CCSAP: variants seen among roughly 807,000 people sequenced by gnomAD.
CCSAP encodes the protein centriole, cilia and spindle associated protein.
A neutral mutation model predicts 25.9 loss-of-function variants in CCSAP; 17 were observed. The ratio of observed to expected loss-of-function variants is 0.66; its 90% confidence interval spans 0.45 to 0.99. The LOEUF is 0.99. Ranked by LOEUF, CCSAP falls within the 50% of genes least tolerant of loss-of-function variation. The pLI, the probability that CCSAP is intolerant of heterozygous loss-of-function variation, is 0.00. For synonymous variants in CCSAP, 169 were observed against 157.1 expected (o/e 1.08, Z -0.57); for missense variants, 339 against 367.8 (o/e 0.92, Z 0.64).
chr1:229,330,235 G>C (rs1558249984), intron 2 of CCSAP, among the ~76,000 whole-genome samples: 1 of 152,192 alleles, frequency 6.6e-6, no homozygotes, highest in African/African-American at 2.4e-5. Context: ...GCTGTCCTCT[G>C]ACATAGGCCC....
rs1657824954 is a variant in CCSAP at position 229,321,592 on chromosome 1, A to G, written c.*3643T>C. 6.6e-6 allele frequency: 1 copy of G among 152,230 alleles called. No homozygotes were observed. The highest frequency in any genetic ancestry group is 2.4e-5 in the African/African-American group (1 of 41,466). The allele number at this position is 152,230 out of a possible 1,614,324, so 9.4% of individuals were successfully genotyped here. On this transcript the variant is annotated 3_prime_UTR_variant, in exon 4 of 4. Coordinates refer to ENST00000284617, the MANE Select transcript of CCSAP (RefSeq NM_145257.5). Reference sequence around the variant, plus strand: ...ATATGGGTTAGGTATTAAGTTTGATACCAAAGCAACTATAGCATCAAGCTA... The same window carrying G: ...ATATGGGTTAGGTATTAAGTTTGATGCCAAAGCAACTATAGCATCAAGCTA...
intron 2 of CCSAP, among the ~76,000 whole-genome samples, chr1:229,336,444 C>T (rs1658197934): frequency 6.6e-6 from 1 of 152,092 alleles, no homozygotes; most frequent in Admixed American, 6.5e-5. Context: ...GCACCTTCCT[C>T]CACCTCTGTT....
intron 3 of CCSAP, 61 bp downstream of exon 3, chr1:229,326,677 G>C: frequency 1.3e-6 from 2 of 1,590,420 alleles, no homozygotes; most frequent in Non-Finnish European, 1.7e-6. Context: ...CCGATGACAG[G>C]CGCATGGCCC....
chr1:229,334,098 T>C (rs1213167154), intron 2 of CCSAP, among the ~76,000 whole-genome samples: 1 of 152,168 alleles, frequency 6.6e-6, no homozygotes, highest in Non-Finnish European at 1.5e-5. Flanking sequence ...TGAGAAACAG[T>C]CTCACTCTGT....
chr1:229,331,652 T>C (rs238083), intron 2 of CCSAP, among the ~76,000 whole-genome samples: 58,779 of 151,852 alleles, frequency 0.39, 11,791 homozygotes, highest in Admixed American at 0.45. Context: ...GGCAGGACTC[T>C]AATCTTCCAC....
Position 229,321,466 on chromosome 1 carries a change from T to G in CCSAP, c.*3769A>C, listed in dbSNP as rs1027015535. 2 of 152,164 alleles carry G rather than the reference T, an allele frequency of 1.3e-5. No individual in the cohort carries two copies. Among genetic ancestry groups the G allele is most frequent in the African/African-American group, 4.8e-5 (2 of 41,448 alleles). The allele number at this position is 152,164 out of a possible 1,614,324, so 9.4% of individuals were successfully genotyped here. ...CATATCCACCCTATAGTACAAAAAT[T>G]CATTTCAAATGCAAACGTTGTGCAA... is the stretch of plus-strand genomic sequence containing the variant. On this transcript the variant is annotated 3_prime_UTR_variant, in exon 4 of 4. Transcript: ENST00000284617.
In CCSAP at chr1:229,326,718, C is replaced by T; in HGVS notation, c.636+20G>A. The T allele has an allele frequency of 1.2e-6, 2 of 1,612,132 alleles. No individual in the cohort carries two copies. Among genetic ancestry groups the T allele is most frequent in the Middle Eastern group, 3.3e-4 (2 of 6,056 alleles). On this transcript the variant is annotated intron_variant, in intron 3 of 3. Coordinates refer to ENST00000284617, the MANE Select transcript of CCSAP (RefSeq NM_145257.5). ...GCCACTCTCAAAGGGAACACAGAAC[C>T]ACAAGGGCCCAGAGCGCACCTCGTG...
At chr1:229,325,944 AAAT>A in intron 3 of CCSAP, among the ~76,000 whole-genome samples, 1 of 152,196 alleles carries the variant, frequency 6.6e-6, no homozygotes, top group East Asian at 1.9e-4. Flanking sequence ...ATATCACTCC[AAAT>A]AACACCATTT....
Position 229,323,460 on chromosome 1 carries a change from G to A in CCSAP, c.*1775C>T, listed in dbSNP as rs1419606226. The A allele has an allele frequency of 3.3e-5, 5 of 152,130 alleles. No homozygotes were observed. Among genetic ancestry groups the A allele is most frequent in the East Asian group, 1.9e-4 (1 of 5,200 alleles). The allele number at this position is 152,130 out of a possible 1,614,324, so 9.4% of individuals were successfully genotyped here. On this transcript the variant is annotated 3_prime_UTR_variant, in exon 4 of 4. Transcript: ENST00000284617. The stretch of plus-strand genomic sequence containing the variant: ...GACTAACACCGAACATGCAAGAAGC[G>A]ACTTTAAAGGAACAGTTTTCACAAT...
chr1:229,337,399 T>G (rs1368050614), intron 2 of CCSAP, among the ~76,000 whole-genome samples: 1 of 151,926 alleles, frequency 6.6e-6, no homozygotes, highest in Non-Finnish European at 1.5e-5. Flanking sequence ...CAATCTAGAC[T>G]AATCTACCTT....
chr1:229,333,264 C>T (rs943419285), intron 2 of CCSAP, among the ~76,000 whole-genome samples: 2 of 150,958 alleles, frequency 1.3e-5, no homozygotes, highest in African/African-American at 4.8e-5. Flanking sequence ...AACCCCGTCT[C>T]TACTAAAAAT....
chr1:229,335,084 C>T (rs779349591), intron 2 of CCSAP, among the ~76,000 whole-genome samples: 3 of 151,950 alleles, frequency 2.0e-5, no homozygotes, highest in South Asian at 4.1e-4. Context: ...GAGGACAAGG[C>T]GGGAGGATTG....
intron 3 of CCSAP, 117 bp downstream of exon 3, chr1:229,326,621 G>C (rs1250208957): frequency 2.4e-6 from 3 of 1,229,894 alleles, no homozygotes; most frequent in Non-Finnish European, 3.4e-6. Context: ...TATCCCCTAA[G>C]ATCTCCCATG....
Position 229,342,502 on chromosome 1 carries a change from G to A in CCSAP, c.-37C>T, listed in dbSNP as rs1393421172. Reference sequence around the variant, plus strand: ...CCGCCTCGAGCGCCAGCCGCTCCTCGCTGCCCGCAGCCTACGGGACCCGGT... The same window carrying A: ...CCGCCTCGAGCGCCAGCCGCTCCTCACTGCCCGCAGCCTACGGGACCCGGT... On this transcript the variant is annotated 5_prime_UTR_variant, in exon 2 of 4. Transcript: ENST00000284617. This position sits in a 1 kb window ranked among gnomAD's most constrained non-coding sequence, Gnocchi z 7.5. 1 of 1,294,982 alleles carries A rather than the reference G, an allele frequency of 7.7e-7. No homozygotes were observed. Among genetic ancestry groups the A allele is most frequent in the Non-Finnish European group, 9.9e-7 (1 of 1,011,940 alleles). The allele number at this position is 1,294,982 out of a possible 1,614,324, so 80.2% of individuals were successfully genotyped here.
chr1:229,332,152 C>G (rs1658083590), intron 2 of CCSAP, among the ~76,000 whole-genome samples: 1 of 151,970 alleles, frequency 6.6e-6, no homozygotes, highest in Admixed American at 6.5e-5. Context: ...CTCTAGTATC[C>G]TTTATAATAA....
In CCSAP at chr1:229,331,790, A is replaced by T. The variant is rs756721163; in HGVS notation, c.368-4784T>A. 7.7e-4 allele frequency among the ~76,000 whole-genome samples: 52 copies of T among 67,732 alleles called. 1 individual carries two copies. Among genetic ancestry groups the T allele is most frequent in the East Asian group, 2.0e-3 (6 of 2,966 alleles). 44.4% of individuals were successfully genotyped at this position (67,732 alleles called of 152,430 possible). ...TCTGTGTCCTTTCTAATATCCTTTT[A>T]TTATTATTATTATTATTATTATTAT... On this transcript the variant is annotated intron_variant, in intron 2 of 3. Transcript: ENST00000284617.
chr1:229,332,047 T>C (rs531119675), intron 2 of CCSAP, among the ~76,000 whole-genome samples: 2 of 152,232 alleles, frequency 1.3e-5, no homozygotes, highest in African/African-American at 4.8e-5. Context: ...TTCATCATGT[T>C]GACCAGACTG....
At position 229,327,021 on chromosome 1, in the gene CCSAP, T is replaced by C. The variant is rs1354356633; in HGVS notation, c.368-15A>G. The C allele has an allele frequency of 6.3e-7, 1 of 1,575,200 alleles. No individual in the cohort carries two copies. Among genetic ancestry groups the C allele is most frequent in the East Asian group, 2.2e-5 (1 of 44,494 alleles). On this transcript the variant is annotated splice_polypyrimidine_tract_variant and intron_variant, in intron 2 of 3. Coordinates refer to ENST00000284617, the MANE Select transcript of CCSAP (RefSeq NM_145257.5). ...CACTGGCAGTGCTTTTGAAAAGAGA[T>C]AAATGAGATGAAAATACTTTGAAAT...
chr1:229,326,117 T>C (rs1304793383), intron 3 of CCSAP, among the ~76,000 whole-genome samples: 4 of 152,214 alleles, frequency 2.6e-5, no homozygotes, highest in African/African-American at 4.8e-5. Context: ...ACTACACACA[T>C]GAAGGTCCTC....
Sources: gnomAD v4.1 joint callset for allele counts (sites outside exome capture counted in the v4.1 genomes callset) on GRCh38, gnomAD v4.1.1 for gene constraint, Gnocchi (gnomAD v3.1) non-coding constraint, MANE v1.5 for transcripts, NCBI Gene and HGNC (gene_info 2026-07-23, HGNC 2026-07-21) for gene names.